TGFBR3: variants seen among roughly 807,000 people sequenced by gnomAD.
TGFBR3 encodes transforming growth factor beta receptor type 3.
TGFBR3 carries 46 observed loss-of-function variants against 87.9 expected under a neutral mutation model. That is an observed-to-expected ratio of 0.52 (90% CI 0.41 to 0.67). The LOEUF (loss-of-function observed/expected upper bound fraction) is 0.67, where lower values mean the gene tolerates loss of function less well. Among genes scored for constraint, TGFBR3 ranks in the 30% least tolerant of loss-of-function variants. The pLI, the probability that TGFBR3 is intolerant of heterozygous loss-of-function variation, is 0.00. For missense variants in TGFBR3, 866 were observed against 1,041.9 expected, an observed-to-expected ratio of 0.83 and a Z score of 2.32; for synonymous variants, 381 against 391.6, an observed-to-expected ratio of 0.97 and a Z score of 0.32.
rs1464865384 is a variant in TGFBR3, at chr1:91,708,644, C to T, written c.2287+19G>A. 3.1e-6 allele frequency: 5 copies of T among 1,613,660 alleles called. No individual in the cohort carries two copies. Among genetic ancestry groups the T allele is most frequent in the South Asian group, 2.2e-5 (2 of 91,058 alleles). On this transcript the variant is annotated intron_variant, in intron 14 of 16. Transcript: ENST00000212355. ...CAGAGCTCAGGCCCCATGCTCTGAT[C>T]GTGCCTCCCAAAGCACACCTTTAGA...
chr1:91,746,582 T>C (rs1012125875), intron 4 of TGFBR3, among the ~76,000 whole-genome samples: 1 of 152,222 alleles, frequency 6.6e-6, no homozygotes, highest in Non-Finnish European at 1.5e-5. Context: ...GTCCTCCAAA[T>C]GTGCTCCTGG....
chr1:91,769,001 G>GT (rs1674281208), intron 3 of TGFBR3, among the ~76,000 whole-genome samples: 1 of 152,102 alleles, frequency 6.6e-6, no homozygotes, highest in South Asian at 2.1e-4. Context: ...TGACCTGGTG[G>GT]TTAAGAACAG....
chr1:91,719,775 C>A, intron 9 of TGFBR3, 118 bp downstream of exon 9: 1 of 1,170,634 alleles, frequency 8.5e-7, no homozygotes, highest in Non-Finnish European at 1.3e-6. Flanking sequence ...ACTGAGAAAA[C>A]AGTATCAAGC....
intron 2 of TGFBR3, among the ~76,000 whole-genome samples, chr1:91,821,659 T>C (rs1676456220): frequency 6.6e-6 from 1 of 152,122 alleles, no homozygotes; most frequent in East Asian, 1.9e-4. Flanking sequence ...TGGCCCAACT[T>C]CCTCCTCCTC....
At chr1:91,801,390 A>C (rs530782851) in intron 2 of TGFBR3, among the ~76,000 whole-genome samples, 2 of 152,148 alleles carry the variant, frequency 1.3e-5, no homozygotes, top group South Asian at 4.2e-4. Flanking sequence ...AGAGAAGGGG[A>C]CAGAGTTAAG....
intron 3 of TGFBR3, among the ~76,000 whole-genome samples, chr1:91,782,109 T>C (rs1674790658): frequency 6.6e-6 from 1 of 152,040 alleles, no homozygotes; most frequent in African/African-American, 2.4e-5. Flanking sequence ...GCTGACAACA[T>C]ACCGAGAGCA....
intron 2 of TGFBR3, among the ~76,000 whole-genome samples, chr1:91,849,316 C>T (rs1677628074): frequency 6.6e-6 from 1 of 152,126 alleles, no homozygotes; most frequent in Non-Finnish European, 1.5e-5. Flanking sequence ...GCTATACACA[C>T]CCGCACCGTC....
At chr1:91,749,206 G>T (rs1347111332) in intron 4 of TGFBR3, among the ~76,000 whole-genome samples, 1 of 152,140 alleles carries the variant, frequency 6.6e-6, no homozygotes, top group African/African-American at 2.4e-5. Flanking sequence ...AGAACCAATA[G>T]AATCTCAAGA....
chr1:91,841,618 C>A (rs1195102988), intron 2 of TGFBR3, among the ~76,000 whole-genome samples: 11 of 151,886 alleles, frequency 7.2e-5, no homozygotes, highest in Non-Finnish European at 1.5e-4. Context: ...CATGGTGAAA[C>A]CCCATCTCTG....
intron 4 of TGFBR3, among the ~76,000 whole-genome samples, chr1:91,752,160 G>A (rs1378198545): frequency 6.6e-6 from 1 of 152,174 alleles, no homozygotes; most frequent in Non-Finnish European, 1.5e-5. Flanking sequence ...GAGTAGAGCT[G>A]CCCAATAAAG....
At chr1:91,887,325 C>T (rs1424956937), upstream of TGFBR3, among the ~76,000 whole-genome samples, 1 of 134,616 alleles carries the variant, frequency 7.4e-6, no homozygotes, top group Non-Finnish European at 1.6e-5. Context: ...AATCTCAGCT[C>T]GCTACAACCT....
At chr1:91,820,546 C>T (rs1041319830) in intron 2 of TGFBR3, among the ~76,000 whole-genome samples, 26 of 151,916 alleles carry the variant, frequency 1.7e-4, no homozygotes, top group Non-Finnish European at 3.2e-4. Flanking sequence ...ATTAGCTGGG[C>T]GGGGTGGCGG....
At position 91,810,693 on chromosome 1, in the gene TGFBR3, G is replaced by A. The variant is rs1378346673; in HGVS notation, c.62-13222C>T. Among the ~76,000 whole-genome samples the A allele has an allele frequency of 3.9e-5, 6 of 152,228 alleles. No homozygotes were observed. The East Asian group carries it at 9.7e-4, about 25-fold the overall frequency. Reference sequence around the variant, plus strand: ...CCAGTCTCCTACGTTTAATCCCAGCGCTGCCACATTTTAGCCTTTTAACCT... The same window carrying A: ...CCAGTCTCCTACGTTTAATCCCAGCACTGCCACATTTTAGCCTTTTAACCT... On this transcript the variant is annotated intron_variant, in intron 2 of 16. Coordinates refer to ENST00000212355, the MANE Select transcript of TGFBR3 (RefSeq NM_003243.5).
chr1:91,891,013 T>G (rs1432943255), upstream of TGFBR3, among the ~76,000 whole-genome samples: 1 of 151,834 alleles, frequency 6.6e-6, no homozygotes, highest in African/African-American at 2.4e-5. Flanking sequence ...TTTTCCTGCC[T>G]CCACCTCCTA....
chr1:91,789,506 T>G (rs902241340), intron 3 of TGFBR3, among the ~76,000 whole-genome samples: 2 of 152,220 alleles, frequency 1.3e-5, no homozygotes, highest in Non-Finnish European at 2.9e-5. Context: ...TGGATATTAC[T>G]GTGACGAATG....
At chr1:91,698,513 CTT>C (rs35919369) in intron 14 of TGFBR3, among the ~76,000 whole-genome samples, 223 of 120,694 alleles carry the variant, frequency 1.8e-3, no homozygotes, top group Middle Eastern at 9.0e-3. Context: ...TCAAAATATT[CTT>C]TTTTTTTTTT....
At chr1:91,698,346 C>T (rs899799663) in intron 14 of TGFBR3, among the ~76,000 whole-genome samples, 4 of 152,028 alleles carry the variant, frequency 2.6e-5, no homozygotes, top group Non-Finnish European at 5.9e-5. Flanking sequence ...ATAGGCTCTC[C>T]AATTTGAAGA....
At chr1:91,800,573 G>A (rs985002020) in intron 2 of TGFBR3, among the ~76,000 whole-genome samples, 3 of 151,622 alleles carry the variant, frequency 2.0e-5, no homozygotes, top group African/African-American at 7.3e-5. Context: ...TCAACAGTGT[G>A]TTCCTGACCA....
At position 91,683,719 on chromosome 1, in the gene TGFBR3, CCGGGT is replaced by C. The variant is rs1670993003; in HGVS notation, c.*15_*19del. On this transcript the variant is annotated 3_prime_UTR_variant, in exon 17 of 17. Transcript: ENST00000212355. ...CTGAGCTGGGCTGGGCTGGGTTGGG[CCGGGT>C]TGGGCTGGGTTGGGCTAGGCCGTGC... The C allele has an allele frequency of 6.5e-7, 1 of 1,529,090 alleles. No homozygotes were observed. The highest frequency in any genetic ancestry group is 1.4e-5 in the African/African-American group (1 of 73,140). 94.7% of individuals were successfully genotyped at this position (1,529,090 alleles called of 1,614,324 possible). A position where few individuals can be genotyped will look rare whatever the true frequency, so the allele number is the denominator to read the frequency against.
Sources: gnomAD v4.1 joint callset for allele counts (sites outside exome capture counted in the v4.1 genomes callset) on GRCh38, gnomAD v4.1.1 for gene constraint, MANE v1.5 for transcripts, NCBI Gene and HGNC (gene_info 2026-07-23, HGNC 2026-07-21) for gene names.